ANKS1A: variants seen among roughly 807,000 people sequenced by gnomAD.
The protein encoded by ANKS1A is ankyrin repeat and SAM domain-containing protein 1A.
Under a neutral mutation model 120.3 loss-of-function variants are expected in ANKS1A, and 55 were observed. That is an observed-to-expected ratio of 0.46 (90% CI 0.37 to 0.57). ANKS1A has a LOEUF of 0.57. Ranked by LOEUF, ANKS1A falls within the 20% of genes least tolerant of loss-of-function variation. ANKS1A has a pLI of 0.00. For synonymous variants in ANKS1A, 590 were observed against 604.7 expected (o/e 0.98, Z 0.36); for missense variants, 1,123 against 1,480.3 (o/e 0.76, Z 3.96).
At chr6:34,899,330 A>G (rs896022423) in intron 1 of ANKS1A, among the ~76,000 whole-genome samples, 1 of 152,178 alleles carries the variant, frequency 6.6e-6, no homozygotes, top group African/African-American at 2.4e-5. Flanking sequence ...ATGGAGCAAT[A>G]TGCTCCAAGC....
intron 1 of ANKS1A, among the ~76,000 whole-genome samples, chr6:34,899,159 G>C (rs79488136): frequency 0.029 from 4,363 of 152,260 alleles, 206 homozygotes; most frequent in East Asian, 0.23. Context: ...GGGTCCTTCT[G>C]ACTGGGAAGT....
intron 10 of ANKS1A, among the ~76,000 whole-genome samples, chr6:35,004,788 CA>C (rs1048697496): frequency 1.8e-4 from 27 of 152,152 alleles, no homozygotes; most frequent in African/African-American, 6.5e-4. Flanking sequence ...CTTTTAATAG[CA>C]AAATAATACC....
At chr6:35,091,597 G>A (rs911503316), downstream of ANKS1A, among the ~76,000 whole-genome samples, 8 of 152,210 alleles carry the variant, frequency 5.3e-5, no homozygotes, top group African/African-American at 1.9e-4. Context: ...CAGCTGTGCT[G>A]TGAGGCGCAA....
intron 1 of ANKS1A, among the ~76,000 whole-genome samples, chr6:34,941,488 G>C (rs982705878): frequency 1.3e-5 from 2 of 151,620 alleles, no homozygotes; most frequent in African/African-American, 4.9e-5. Flanking sequence ...GGCTGGTCTT[G>C]AACTCCTAGG....
At chr6:34,978,760 A>C (rs568558186) in intron 3 of ANKS1A, among the ~76,000 whole-genome samples, 1 of 143,560 alleles carries the variant, frequency 7.0e-6, no homozygotes, top group African/African-American at 2.6e-5. Context: ...AGCCGAGATC[A>C]TGCCATTGCA....
chr6:34,925,643 G>A (rs865846260), intron 1 of ANKS1A, among the ~76,000 whole-genome samples: 11 of 152,260 alleles, frequency 7.2e-5, no homozygotes, highest in South Asian at 6.2e-4. Context: ...ATGGTGTATG[G>A]GGTATGAGGG....
chr6:34,900,909 T>C (rs1296628899), intron 1 of ANKS1A, among the ~76,000 whole-genome samples: 3 of 152,096 alleles, frequency 2.0e-5, no homozygotes, highest in Non-Finnish European at 2.9e-5. Flanking sequence ...TGCCTTTACG[T>C]CTATGCCAAA....
intron 10 of ANKS1A, 75 bp from the exon 11 acceptor site, chr6:35,017,398 G>C: frequency 6.8e-7 from 1 of 1,471,222 alleles, no homozygotes; most frequent in East Asian, 2.3e-5. Flanking sequence ...TTTGCCATAT[G>C]CTTGCTGCAT....
rs1777412109 is a variant in ANKS1A at position 35,077,239 on chromosome 6, C to G, written c.2185-1319C>G. Among the ~76,000 whole-genome samples, 3 of 152,336 alleles carry G rather than the reference C, an allele frequency of 2.0e-5. No homozygotes were observed. The South Asian group carries it at 6.2e-4, about 32-fold the overall frequency. ...CCTCATAACAGGCCTAGACACGACA[C>G]TCACGGGGAGGGTGTTCATGCAGCA... On this transcript the variant is annotated intron_variant, in intron 13 of 23. Transcript: ENST00000360359.
chr6:35,087,132 G>C (rs1248556021), intron 23 of ANKS1A, 83 bp downstream of exon 23: 1 of 1,368,640 alleles, frequency 7.3e-7, no homozygotes, highest in East Asian at 2.3e-5. Flanking sequence ...TCTTTCTGCT[G>C]TCCTCAACTC....
intron 13 of ANKS1A, 28 bp from the exon 14 acceptor site, chr6:35,078,530 G>T: frequency 6.2e-7 from 1 of 1,602,474 alleles, no homozygotes; most frequent in Non-Finnish European, 8.5e-7. Flanking sequence ...TCCAGGAGGG[G>T]CCCTGACATC....
At chr6:34,918,002 C>T (rs1255125632) in intron 1 of ANKS1A, among the ~76,000 whole-genome samples, 2 of 152,178 alleles carry the variant, frequency 1.3e-5, no homozygotes, top group African/African-American at 4.8e-5. Flanking sequence ...AGACTCACTC[C>T]AGAAATGTGT....
chr6:34,955,418 T>C (rs1770313030), intron 1 of ANKS1A, among the ~76,000 whole-genome samples: 2 of 152,234 alleles, frequency 1.3e-5, no homozygotes, highest in Admixed American at 6.5e-5. Flanking sequence ...ATTACAGGCG[T>C]GAGCCACCAC....
intron 13 of ANKS1A, among the ~76,000 whole-genome samples, chr6:35,068,039 G>A (rs1013529457): frequency 2.2e-4 from 34 of 151,946 alleles, no homozygotes; most frequent in East Asian, 1.5e-3. Context: ...AATTACTGGC[G>A]GGCACTACCA....
chr6:34,927,764 G>A (rs1427780300), intron 1 of ANKS1A, among the ~76,000 whole-genome samples: 1 of 152,176 alleles, frequency 6.6e-6, no homozygotes, highest in Non-Finnish European at 1.5e-5. Context: ...GGTGACCTGA[G>A]CCTCTAATCC....
At chr6:35,092,734 CCT>C (rs1429165923), downstream of ANKS1A, among the ~76,000 whole-genome samples, 3 of 152,218 alleles carry the variant, frequency 2.0e-5, no homozygotes, top group Non-Finnish European at 2.9e-5. Context: ...ACACATTCTG[CCT>C]CTGTGTGAGG....
chr6:35,008,497 C>A (rs1422722379), intron 10 of ANKS1A, among the ~76,000 whole-genome samples: 1 of 152,242 alleles, frequency 6.6e-6, no homozygotes, highest in Non-Finnish European at 1.5e-5. Flanking sequence ...GCACAAGCCA[C>A]TGCACTGGAC....
chr6:35,024,300 C>G (rs535000947), intron 11 of ANKS1A, among the ~76,000 whole-genome samples: 1 of 152,314 alleles, frequency 6.6e-6, no homozygotes, highest in African/African-American at 2.4e-5. Flanking sequence ...ACAAAAATGG[C>G]TTTCTGGTCA....
chr6:34,964,876 A>G (rs1314561080), intron 1 of ANKS1A, among the ~76,000 whole-genome samples: 1 of 152,208 alleles, frequency 6.6e-6, no homozygotes, highest in African/African-American at 2.4e-5. Context: ...TTGTTTTCCT[A>G]ATATTTAGAA....
Sources: allele counts gnomAD v4.1 joint callset (sites outside exome capture counted in the v4.1 genomes callset), GRCh38; gene constraint gnomAD v4.1.1; transcripts MANE v1.5; gene names NCBI Gene and HGNC (gene_info 2026-07-23, HGNC 2026-07-21).